Variants in NEO1 observed in about 807,000 individuals in gnomAD.
NEO1 encodes neogenin.
A neutral mutation model predicts 159.7 loss-of-function variants in NEO1; 63 were observed. The ratio of observed to expected loss-of-function variants is 0.39; its 90% CI spans 0.32 to 0.49. The LOEUF (loss-of-function observed/expected upper bound fraction) is 0.49, where lower values mean the gene tolerates loss of function less well. Among genes scored for constraint, NEO1 ranks in the 20% least tolerant of loss-of-function variants. The probability of loss-of-function intolerance (pLI) is 0.85; values close to 1 mark genes in which losing one functional copy is unlikely to be tolerated. For synonymous variants in NEO1, 633 were observed against 662.0 expected, an observed-to-expected ratio of 0.96 and a Z score of 0.67; for missense variants, 1,615 against 1,831.0, an observed-to-expected ratio of 0.88 and a Z score of 2.15.
chr15:73,198,442 A>G (rs1596321544), intron 7 of NEO1, among the ~76,000 whole-genome samples: 2 of 152,226 alleles, frequency 1.3e-5, no homozygotes, highest in Admixed American at 6.5e-5. Flanking sequence ...ATACAGTTTC[A>G]TCATCTTTTA....
chr15:73,079,770 A>G (rs2068951944), intron 1 of NEO1, among the ~76,000 whole-genome samples: 2 of 152,184 alleles, frequency 1.3e-5, no homozygotes, highest in South Asian at 2.1e-4. Flanking sequence ...CGATAATAAA[A>G]TATTCAGGAA....
At chr15:73,287,660 C>T (rs961764111) in intron 23 of NEO1, among the ~76,000 whole-genome samples, 1 of 152,162 alleles carries the variant, frequency 6.6e-6, no homozygotes, top group Non-Finnish European at 1.5e-5. Context: ...GGCGGCAGAT[C>T]ACCTGAGTTC....
At chr15:73,218,404 C>T (rs1274988876) in intron 7 of NEO1, among the ~76,000 whole-genome samples, 2 of 151,874 alleles carry the variant, frequency 1.3e-5, no homozygotes, top group Non-Finnish European at 2.9e-5. Flanking sequence ...GGTTGTGTCT[C>T]TGCCCAGCTT....
At chr15:73,199,458 C>T (rs1160905731) in intron 7 of NEO1, among the ~76,000 whole-genome samples, 1 of 152,060 alleles carries the variant, frequency 6.6e-6, no homozygotes, top group African/African-American at 2.4e-5. Flanking sequence ...TGCTCTACCT[C>T]CTTGTGGGCT....
At chr15:73,210,170 GACT>G (rs1329891138) in intron 7 of NEO1, among the ~76,000 whole-genome samples, 1 of 152,178 alleles carries the variant, frequency 6.6e-6, no homozygotes, top group Non-Finnish European at 1.5e-5. Context: ...GACACAAAAG[GACT>G]ATTGAAAAGT....
chr15:73,107,353 T>C (rs2070745355), intron 1 of NEO1, among the ~76,000 whole-genome samples: 1 of 152,186 alleles, frequency 6.6e-6, no homozygotes. Context: ...TTCAGAGTTA[T>C]TTAGGATGGC....
chr15:73,264,968 G>C (rs2040816647), intron 15 of NEO1, among the ~76,000 whole-genome samples: 2 of 152,198 alleles, frequency 1.3e-5, no homozygotes, highest in African/African-American at 4.8e-5. Context: ...GAAATGGGCT[G>C]TGTAACTAGA....
At chr15:73,059,495 A>G (rs933768035) in intron 1 of NEO1, among the ~76,000 whole-genome samples, 2 of 152,188 alleles carry the variant, frequency 1.3e-5, no homozygotes, top group African/African-American at 4.8e-5. Flanking sequence ...GCAAACGTTT[A>G]TCTTTGAGGG....
intron 1 of NEO1, among the ~76,000 whole-genome samples, chr15:73,095,515 G>T (rs1397855198): frequency 6.6e-6 from 1 of 152,056 alleles, no homozygotes; most frequent in Non-Finnish European, 1.5e-5. Context: ...ATTTGGTAGA[G>T]TACTTCTATA....
chr15:73,161,730 G>T, intron 5 of NEO1: 1 of 211,394 alleles, frequency 4.7e-6, no homozygotes, highest in Non-Finnish European at 9.5e-6. Flanking sequence ...TTACATAAGT[G>T]AAATAAGATG....
At chr15:73,160,793 CT>C (rs2034118484) in intron 5 of NEO1, among the ~76,000 whole-genome samples, 1 of 152,220 alleles carries the variant, frequency 6.6e-6, no homozygotes, top group Admixed American at 6.5e-5. Context: ...CCTAGACGCT[CT>C]CCCAAACCCT....
intron 28 of NEO1, 117 bp downstream of exon 28, chr15:73,301,574 G>T (rs2042616673): frequency 1.5e-6 from 2 of 1,327,936 alleles, no homozygotes; most frequent in Non-Finnish European, 1.0e-6. Context: ...GAACTATGAA[G>T]CAGATACACT....
chr15:73,257,295 C>T (rs1348711931), intron 13 of NEO1, among the ~76,000 whole-genome samples: 1 of 148,978 alleles, frequency 6.7e-6, no homozygotes, highest in Non-Finnish European at 1.5e-5. Flanking sequence ...ATAGTCCTTG[C>T]CCATGAGGAG....
intron 2 of NEO1, among the ~76,000 whole-genome samples, chr15:73,117,843 A>G (rs116630060): frequency 0.015 from 2,200 of 151,580 alleles, 52 homozygotes; most frequent in African/African-American, 0.051. Flanking sequence ...TCCTTTTGCC[A>G]ATTTCCCTTT....
At chr15:73,121,475 A>C (rs2071642578) in intron 2 of NEO1, among the ~76,000 whole-genome samples, 1 of 152,146 alleles carries the variant, frequency 6.6e-6, no homozygotes, top group South Asian at 2.1e-4. Context: ...TTACTACTTA[A>C]GATGGTCTGT....
intron 2 of NEO1, among the ~76,000 whole-genome samples, chr15:73,122,076 TATATATATA>T (rs2071690903): frequency 1.6e-5 from 1 of 61,708 alleles, no homozygotes; most frequent in Non-Finnish European, 4.7e-5. Context: ...TATATATATA[TATATATATA>T]TATATATATA....
intron 7 of NEO1, among the ~76,000 whole-genome samples, chr15:73,228,797 A>T (rs565221307): frequency 8.6e-5 from 13 of 151,926 alleles, no homozygotes; most frequent in Non-Finnish European, 1.3e-4. Context: ...TTGCATGTGG[A>T]TATATTGTTG....
chr15:73,298,231 C>A, intron 26 of NEO1, 117 bp from the exon 27 acceptor site: 1 of 1,233,888 alleles, frequency 8.1e-7, no homozygotes, highest in Non-Finnish European at 1.1e-6. Context: ...CTTGGACTAG[C>A]ACTGATCGCA....
At chr15:73,184,590 C>T (rs114623273) in intron 7 of NEO1, among the ~76,000 whole-genome samples, 2,152 of 152,142 alleles carry the variant, frequency 0.014, 43 homozygotes, top group African/African-American at 0.049. Context: ...ATAAATAAAC[C>T]GTTGTACATC....
Sources: gnomAD v4.1 joint callset for allele counts (sites outside exome capture counted in the v4.1 genomes callset) on GRCh38, gnomAD v4.1.1 for gene constraint, MANE v1.5 for transcripts, NCBI Gene and HGNC (gene_info 2026-07-23, HGNC 2026-07-21) for gene names.